Variants in VWA3B observed in about 807,000 individuals in gnomAD.
VWA3B encodes von Willebrand factor A domain containing 3B.
Under a neutral mutation model 158.3 loss-of-function variants are expected in VWA3B, and 138 were observed. The observed-to-expected ratio is 0.87, with a 90% CI of 0.76 to 1.00. The LOEUF (loss-of-function observed/expected upper bound fraction) is 1.00, where lower values mean the gene tolerates loss of function less well. Among genes scored for constraint, VWA3B ranks in the 50% least tolerant of loss-of-function variants. The pLI is 0.00. For synonymous variants in VWA3B, 596 were observed against 587.3 expected, an observed-to-expected ratio of 1.01 and a Z score of -0.21; for missense variants, 1,555 against 1,565.1, an observed-to-expected ratio of 0.99 and a Z score of 0.11.
chr2:98,173,911 G>A lies in VWA3B; in HGVS notation c.1115-7105G>A, dbSNP rs575331166. On this transcript the variant is annotated intron_variant, in intron 8 of 27. Transcript: ENST00000477737. The stretch of plus-strand genomic sequence containing the variant: ...GAACTCGGGAGGCGGAGGCTGCAGT[G>A]AGCCCAGATCGCACCACTGCACTCC... Among the ~76,000 whole-genome samples the A allele has an allele frequency of 3.0e-4, 46 of 152,040 alleles. 1 individual carries two copies. The highest frequency in any genetic ancestry group is 5.4e-4 in the Non-Finnish European group (37 of 68,008).
At chr2:98,129,272 GGAGA>G (rs1225399401) in intron 6 of VWA3B, among the ~76,000 whole-genome samples, 1 of 144,394 alleles carries the variant, frequency 6.9e-6, no homozygotes, top group Non-Finnish European at 1.5e-5. Flanking sequence ...GAGAGAGGGA[GGAGA>G]GAGAGGAGAG....
chr2:98,141,095 C>T lies in VWA3B; in HGVS notation c.988+7156C>T, dbSNP rs551829720. The stretch of plus-strand genomic sequence containing the variant: ...CCGGAAGCCTTTTAAACATGGCAGC[C>T]GCCCATTGACTGTGGTGACACTTTT... On this transcript the variant is annotated intron_variant, in intron 7 of 27. Coordinates refer to ENST00000477737, the MANE Select transcript of VWA3B (RefSeq NM_144992.5). Among the ~76,000 whole-genome samples, 10 of 152,300 alleles carry T rather than the reference C, an allele frequency of 6.6e-5. No homozygotes were observed. In the East Asian group the frequency reaches 7.7e-4, roughly 12 times the overall value.
intron 10 of VWA3B, among the ~76,000 whole-genome samples, chr2:98,188,562 T>C (rs1024788452): frequency 6.6e-6 from 1 of 152,222 alleles, no homozygotes; most frequent in Non-Finnish European, 1.5e-5. Context: ...CAGATATTTT[T>C]AGCTCCCACA....
At chr2:98,119,380 C>T (rs1434594685) in intron 3 of VWA3B, 133 bp from the exon 4 acceptor site, 4 of 999,340 alleles carry the variant, frequency 4.0e-6, no homozygotes, top group African/African-American at 3.3e-5. Context: ...GGAACCTTTT[C>T]TCCTGGATTC....
At chr2:98,281,363 A>G (rs1388209067) in intron 22 of VWA3B, among the ~76,000 whole-genome samples, 1 of 152,216 alleles carries the variant, frequency 6.6e-6, no homozygotes, top group Non-Finnish European at 1.5e-5. Flanking sequence ...GAACCTACAC[A>G]CATTCCTTTG....
chr2:98,162,642 C>G (rs1397451252), intron 7 of VWA3B, among the ~76,000 whole-genome samples: 1 of 152,138 alleles, frequency 6.6e-6, no homozygotes, highest in Non-Finnish European at 1.5e-5. Context: ...TTATTGTATC[C>G]TAAAGTCTGC....
At chr2:98,220,609 C>T (rs1684412751) in intron 14 of VWA3B, among the ~76,000 whole-genome samples, 1 of 152,170 alleles carries the variant, frequency 6.6e-6, no homozygotes, top group Non-Finnish European at 1.5e-5. Context: ...TCGGTATATA[C>T]CCAAAGGAAT....
chr2:98,197,287 A>C (rs1287542076), intron 12 of VWA3B, among the ~76,000 whole-genome samples: 1 of 152,222 alleles, frequency 6.6e-6, no homozygotes, highest in Non-Finnish European at 1.5e-5. Context: ...ACCTGAAGGC[A>C]CACATGATGC....
intron 19 of VWA3B, among the ~76,000 whole-genome samples, chr2:98,248,168 G>T: frequency 6.6e-6 from 1 of 150,898 alleles, no homozygotes; most frequent in African/African-American, 2.4e-5. Flanking sequence ...ACTTTTATAT[G>T]GCTGTAACAT....
intron 8 of VWA3B, among the ~76,000 whole-genome samples, chr2:98,167,208 C>A (rs2105272970): frequency 6.6e-6 from 1 of 152,246 alleles, no homozygotes; most frequent in African/African-American, 2.4e-5. Flanking sequence ...GGTCACCTGG[C>A]ACATACAGGT....
intron 5 of VWA3B, among the ~76,000 whole-genome samples, chr2:98,126,780 G>T (rs1675397849): frequency 1.3e-5 from 2 of 152,314 alleles, no homozygotes; most frequent in South Asian, 4.1e-4. Context: ...AAAGAGGCCT[G>T]GGAGGGGCCA....
intron 5 of VWA3B, chr2:98,128,015 T>A: frequency 2.1e-6 from 1 of 468,048 alleles, no homozygotes; most frequent in Admixed American, 3.4e-5. Context: ...TTCTCGTGCC[T>A]TACCCAAGAC....
At chr2:98,090,260 C>G (rs1488698016) in intron 1 of VWA3B, among the ~76,000 whole-genome samples, 1 of 152,172 alleles carries the variant, frequency 6.6e-6, no homozygotes, top group East Asian at 1.9e-4. Flanking sequence ...TTAGTCTGCC[C>G]TTGTTTTCAT....
chr2:98,328,615 T>C, the VWA3B span, among the ~76,000 whole-genome samples: 2 of 152,196 alleles, frequency 1.3e-5, no homozygotes, highest in Admixed American at 6.5e-5. Context: ...AACCACAAAG[T>C]ATTTAGTAAT....
intron 23 of VWA3B, among the ~76,000 whole-genome samples, chr2:98,293,912 A>C (rs1253931300): frequency 6.6e-6 from 1 of 152,156 alleles, no homozygotes; most frequent in African/African-American, 2.4e-5. Context: ...TTTAGTGGAC[A>C]TGTCTCTAGC....
chr2:98,274,884 T>C (rs1688426436), intron 22 of VWA3B, among the ~76,000 whole-genome samples: 1 of 152,180 alleles, frequency 6.6e-6, no homozygotes, highest in Non-Finnish European at 1.5e-5. Context: ...AAGTAGGCCA[T>C]GTGGGGCAAA....
At chr2:98,265,451 C>CTGG (rs1687751777) in intron 21 of VWA3B, among the ~76,000 whole-genome samples, 1 of 152,008 alleles carries the variant, frequency 6.6e-6, no homozygotes, top group African/African-American at 2.4e-5. Flanking sequence ...CATTGATGGA[C>CTGG]ATTTGGGTTG....
chr2:98,192,677 A>C (rs1265992456), intron 10 of VWA3B, among the ~76,000 whole-genome samples: 1 of 152,194 alleles, frequency 6.6e-6, no homozygotes, highest in Non-Finnish European at 1.5e-5. Flanking sequence ...TGATTTTCTT[A>C]GTTTTGTTTT....
intron 21 of VWA3B, 109 bp downstream of exon 21, chr2:98,256,283 G>A (rs547547264): frequency 8.8e-6 from 11 of 1,252,674 alleles, no homozygotes; most frequent in Non-Finnish European, 1.1e-5. Flanking sequence ...TATTCAAAAT[G>A]TTCTGCAAAC....
Sources: allele counts gnomAD v4.1 joint callset (sites outside exome capture counted in the v4.1 genomes callset), GRCh38; gene constraint gnomAD v4.1.1; transcripts MANE v1.5; gene names NCBI Gene and HGNC (gene_info 2026-07-23, HGNC 2026-07-21).